The following AFF3 variants were observed in gnomAD, a reference collection of about 807,000 sequenced individuals.
The protein encoded by AFF3 is AF4/FMR2 family member 3.
A neutral mutation model predicts 129.7 loss-of-function variants in AFF3; 32 were observed. The observed-to-expected ratio is 0.25, with a 90% confidence interval of 0.19 to 0.33. AFF3 has a LOEUF of 0.33. AFF3 is among the 10% of genes least tolerant of loss of function. The probability of loss-of-function intolerance (pLI) is 1.00; values close to 1 mark genes in which losing one functional copy is unlikely to be tolerated. For synonymous variants in AFF3, 644 were observed against 635.4 expected (o/e 1.01, Z -0.20); for missense variants, 1,373 against 1,592.0 (o/e 0.86, Z 2.34).
At chr2:100,060,421 C>T (rs1468870205) in intron 4 of AFF3, among the ~76,000 whole-genome samples, 2 of 152,134 alleles carry the variant, frequency 1.3e-5, no homozygotes. Flanking sequence ...AAAGGCTATG[C>T]CTTAACCACT....
At chr2:99,635,217 C>G (rs966525416) in intron 13 of AFF3, among the ~76,000 whole-genome samples, 3 of 151,166 alleles carry the variant, frequency 2.0e-5, no homozygotes, top group Non-Finnish European at 2.9e-5. Context: ...ATGATATATA[C>G]ACATATCTAT....
At chr2:99,711,547 G>A (rs1294844718) in intron 11 of AFF3, among the ~76,000 whole-genome samples, 1 of 152,084 alleles carries the variant, frequency 6.6e-6, no homozygotes, top group Non-Finnish European at 1.5e-5. Flanking sequence ...GAAGGTGGGC[G>A]GGCTTCAGTG....
chr2:99,949,806 A>T (rs1375325173), intron 7 of AFF3, among the ~76,000 whole-genome samples: 1 of 152,222 alleles, frequency 6.6e-6, no homozygotes, highest in African/African-American at 2.4e-5. Context: ...CTAACAGGCC[A>T]CTGACCAGTA....
chr2:99,713,268 ATT>A (rs3073380), intron 11 of AFF3, among the ~76,000 whole-genome samples: 55,101 of 126,714 alleles, frequency 0.43, 9,958 homozygotes, highest in African/African-American at 0.51. Flanking sequence ...GCCAGAGTTA[ATT>A]TTTTTTTTTT....
chr2:99,600,687 T>C (rs138149320), intron 14 of AFF3, among the ~76,000 whole-genome samples: 1 of 152,348 alleles, frequency 6.6e-6, no homozygotes, highest in Non-Finnish European at 1.5e-5. Flanking sequence ...AATTAGAGTC[T>C]ACCCTTAGAG....
At chr2:100,133,672 C>T (rs1692522021) in intron 1 of AFF3, among the ~76,000 whole-genome samples, 2 of 152,276 alleles carry the variant, frequency 1.3e-5, no homozygotes, top group African/African-American at 4.8e-5. Context: ...GTGGCTCATG[C>T]CTGTAATCCC....
chr2:100,011,425 G>T, intron 4 of AFF3: 1 of 779,398 alleles, frequency 1.3e-6, no homozygotes. Flanking sequence ...CCTCATGTAA[G>T]ATGGAGCAGG....
chr2:99,593,390 T>C lies in AFF3; in HGVS notation c.2271A>G (p.Leu757=). The C allele has an allele frequency of 6.2e-7, 1 of 1,613,992 alleles. No individual in the cohort carries two copies. The highest frequency in any genetic ancestry group is 1.1e-5 in the South Asian group (1 of 91,062). ...PFGRNELLSP[L]KDSDEIRSLW... is the part of the protein sequence containing the mutation. ...GAGACCTGATCTCATCACTGTCCTTTAGAGGGGAGAGAAGTTCGTTCCGGC... is the reference window on the plus strand; with the variant it reads ...GAGACCTGATCTCATCACTGTCCTTCAGAGGGGAGAGAAGTTCGTTCCGGC... The change falls in exon 15 of 25, where the codon CTA becomes CTG. Residue 757 remains leucine (L), a synonymous_variant. Coordinates refer to ENST00000672756, the MANE Select transcript of AFF3 (RefSeq NM_001386135.1).
chr2:99,733,634 G>A (rs773586081), intron 10 of AFF3, among the ~76,000 whole-genome samples: 12 of 151,932 alleles, frequency 7.9e-5, no homozygotes, highest in African/African-American at 1.9e-4. Context: ...TGTATATGGC[G>A]TGGGGTAGGA....
At chr2:100,096,402 T>C (rs956999139) in intron 4 of AFF3, among the ~76,000 whole-genome samples, 3 of 151,686 alleles carry the variant, frequency 2.0e-5, no homozygotes, top group African/African-American at 7.3e-5. Flanking sequence ...TCATCAGAAT[T>C]GTATTAGAAA....
intron 4 of AFF3, among the ~76,000 whole-genome samples, chr2:100,061,858 G>A (rs1030711550): frequency 1.6e-5 from 1 of 63,918 alleles, no homozygotes; most frequent in Non-Finnish European, 3.1e-5. Flanking sequence ...GCACAGTGGA[G>A]GGGGGGGGGG....
rs1411886368 is a variant in AFF3 at position 99,554,496 on chromosome 2, G to A, written c.3374C>T (p.Ser1125Phe). 6.2e-7 allele frequency: 1 copy of A among 1,613,828 alleles called. No individual in the cohort carries two copies. Among genetic ancestry groups the A allele is most frequent in the Non-Finnish European group, 8.5e-7 (1 of 1,180,022 alleles). ...GTPSPMSPNP[S>F]PASSVGSQGS... ...CTGAGACCCCACGGAGCTGGCGGGA[G>A]AGGGGTTGGGAGACATGGGGGATGG... The change falls in exon 24 of 25, where the codon TCT becomes TTT. Residue 1125 changes from serine to phenylalanine, a missense_variant. Coordinates refer to ENST00000672756, the MANE Select transcript of AFF3 (RefSeq NM_001386135.1).
chr2:99,855,556 A>G (rs760987701), intron 7 of AFF3, among the ~76,000 whole-genome samples: 2 of 152,234 alleles, frequency 1.3e-5, no homozygotes, highest in African/African-American at 2.4e-5. Context: ...ACAAGAAAAG[A>G]ATTAAACAAA....
intron 8 of AFF3, among the ~76,000 whole-genome samples, chr2:99,753,271 T>C (rs139009916): frequency 0.01 from 1,348 of 131,366 alleles, 12 homozygotes; most frequent in Non-Finnish European, 0.016. Flanking sequence ...GGCTAATTTT[T>C]GTATTTTCAG....
intron 14 of AFF3, among the ~76,000 whole-genome samples, chr2:99,595,685 C>A (rs1400539848): frequency 6.6e-6 from 1 of 152,134 alleles, no homozygotes; most frequent in Non-Finnish European, 1.5e-5. Context: ...GGGCTCTTGG[C>A]CTCACCCCAG....
At chr2:99,860,728 GAA>G (rs566175906) in intron 7 of AFF3, among the ~76,000 whole-genome samples, 1 of 128,576 alleles carries the variant, frequency 7.8e-6, no homozygotes, top group African/African-American at 2.9e-5. Flanking sequence ...TCCGTCTCAA[GAA>G]AAAAAAAAAA....
intron 11 of AFF3, among the ~76,000 whole-genome samples, chr2:99,696,956 C>T (rs1344452929): frequency 1.3e-5 from 2 of 152,194 alleles, no homozygotes; most frequent in African/African-American, 4.8e-5. Flanking sequence ...TGATGAAATT[C>T]TTGATGGCTA....
chr2:100,127,357 G>A (rs952931596), intron 2 of AFF3, among the ~76,000 whole-genome samples: 12 of 152,134 alleles, frequency 7.9e-5, no homozygotes, highest in African/African-American at 2.9e-4. Flanking sequence ...GATGTGGGTG[G>A]GGGTGAAGGT....
intron 8 of AFF3, among the ~76,000 whole-genome samples, chr2:99,809,915 A>C (rs1046955719): frequency 6.6e-6 from 1 of 152,216 alleles, no homozygotes; most frequent in African/African-American, 2.4e-5. Flanking sequence ...CATTTTATTC[A>C]GGAGACCTCC....
Sources: allele counts gnomAD v4.1 joint callset (sites outside exome capture counted in the v4.1 genomes callset), GRCh38; gene constraint gnomAD v4.1.1; transcripts MANE v1.5; gene names NCBI Gene and HGNC (gene_info 2026-07-23, HGNC 2026-07-21).